The following FBLN7 variants were observed in gnomAD, a reference collection of about 807,000 sequenced individuals.
The protein encoded by FBLN7 is fibulin 7.
FBLN7 carries 31 observed loss-of-function variants against 44.0 expected under a neutral mutation model. That is an observed-to-expected ratio of 0.70 (90% confidence interval 0.53 to 0.95). The LOEUF (loss-of-function observed/expected upper bound fraction) is 0.95. Among genes scored for constraint, FBLN7 ranks in the 40% least tolerant of loss-of-function variants. The probability of loss-of-function intolerance (pLI) is 0.00; values close to 1 mark genes in which losing one functional copy is unlikely to be tolerated. For synonymous variants in FBLN7, 262 were observed against 253.4 expected (o/e 1.03, Z -0.32); for missense variants, 573 against 618.5 (o/e 0.93, Z 0.78).
chr2:112,189,776 T>C (rs1683423718), downstream of FBLN7: 1 of 152,222 alleles, frequency 6.6e-6, no homozygotes, highest in Non-Finnish European at 1.5e-5. Flanking sequence ...CACCTCATGA[T>C]GATTCCCAAT....
At chr2:112,230,874 AAAAG>A in the FBLN7 span, 1 of 1,284,394 alleles carries the variant, frequency 7.8e-7, no homozygotes, top group South Asian at 1.5e-5. Context: ...AGACAAGAAA[AAAAG>A]AAATGTGGTA....
At chr2:112,227,879 C>T in the FBLN7 span, among the ~76,000 whole-genome samples, 576 of 122,204 alleles carry the variant, frequency 4.7e-3, 7 homozygotes, top group African/African-American at 0.014. Context: ...CAATTTTCCA[C>T]AGATGCAATG....
At chr2:112,160,778 ACACGCACGCACACG>A (rs1354294958) in intron 2 of FBLN7, among the ~76,000 whole-genome samples, 55 of 143,346 alleles carry the variant, frequency 3.8e-4, no homozygotes, top group African/African-American at 1.4e-3. Context: ...ACGCAGACGC[ACACGCACGCACACG>A]CACACACGCA....
chr2:112,140,593 C>T (rs975197502), intron 1 of FBLN7, among the ~76,000 whole-genome samples: 1 of 152,194 alleles, frequency 6.6e-6, no homozygotes, highest in African/African-American at 2.4e-5. Context: ...ACGTGAGCAC[C>T]GCCGGGAGGA....
chr2:112,162,086 T>C (rs1327948838), intron 2 of FBLN7, among the ~76,000 whole-genome samples: 3 of 152,126 alleles, frequency 2.0e-5, no homozygotes, highest in Non-Finnish European at 4.4e-5. Flanking sequence ...AGTGGAGTGA[T>C]CCTAGTTCAC....
the FBLN7 span, among the ~76,000 whole-genome samples, chr2:112,194,989 G>A: frequency 2.0e-5 from 3 of 152,198 alleles, no homozygotes; most frequent in Admixed American, 2.0e-4. Flanking sequence ...GGGGGAAAGG[G>A]ATCACTGGAA....
chr2:112,216,128 C>T, the FBLN7 span: 1 of 152,204 alleles, frequency 6.6e-6, no homozygotes, highest in Admixed American at 6.5e-5. Flanking sequence ...TCTTTACTCA[C>T]CCTCACTCAG....
chr2:112,204,538 A>G, the FBLN7 span, among the ~76,000 whole-genome samples: 1 of 152,156 alleles, frequency 6.6e-6, no homozygotes, highest in Admixed American at 6.5e-5. Flanking sequence ...TGAAAGTCAA[A>G]AAGAATTTTT....
chr2:112,185,424 G>A (rs1683223437), intron 7 of FBLN7, 85 bp downstream of exon 7: 2 of 1,526,000 alleles, frequency 1.3e-6, no homozygotes, highest in Non-Finnish European at 1.8e-6. Flanking sequence ...CTTGGGAGAA[G>A]GTACAGTTAT....
the FBLN7 span, among the ~76,000 whole-genome samples, chr2:112,241,066 A>G: frequency 6.6e-6 from 1 of 151,668 alleles, no homozygotes; most frequent in Non-Finnish European, 1.5e-5. Context: ...AGGAATTAAG[A>G]GTCAAATTTC....
chr2:112,236,780 C>T, the FBLN7 span: 13 of 1,223,412 alleles, frequency 1.1e-5, no homozygotes, highest in South Asian at 1.4e-4. Context: ...GGTGCAGTGG[C>T]TCATGTCTGT....
the FBLN7 span, among the ~76,000 whole-genome samples, chr2:112,234,967 C>G: frequency 6.6e-6 from 1 of 151,988 alleles, no homozygotes; most frequent in Non-Finnish European, 1.5e-5. Context: ...GTGAGTTGAG[C>G]ACACTTATCA....
At chr2:112,189,087 TATG>T (rs1288039401), downstream of FBLN7, 3 of 152,158 alleles carry the variant, frequency 2.0e-5, no homozygotes, top group African/African-American at 7.2e-5. Flanking sequence ...ATATGTGAGA[TATG>T]ATGACATATG....
chr2:112,168,053 C>A (rs997951815), intron 3 of FBLN7, among the ~76,000 whole-genome samples: 3 of 152,178 alleles, frequency 2.0e-5, no homozygotes, highest in African/African-American at 7.2e-5. Flanking sequence ...GACCATGGTG[C>A]AGAGCAGACG....
chr2:112,243,553 C>T, the FBLN7 span, among the ~76,000 whole-genome samples: 4 of 151,990 alleles, frequency 2.6e-5, no homozygotes, highest in African/African-American at 9.7e-5. Flanking sequence ...AACTTTGAAC[C>T]CCAATTAAGC....
At chr2:112,238,670 C>A in the FBLN7 span, 1 of 527,970 alleles carries the variant, frequency 1.9e-6, no homozygotes, top group Non-Finnish European at 3.1e-6. Context: ...ACTATTCTCT[C>A]CACTCATATA....
the FBLN7 span, among the ~76,000 whole-genome samples, chr2:112,232,603 A>G: frequency 6.6e-6 from 1 of 152,204 alleles, no homozygotes; most frequent in South Asian, 2.1e-4. Context: ...CAAAGTCAAC[A>G]ACGACATATC....
the FBLN7 span, among the ~76,000 whole-genome samples, chr2:112,221,729 T>A: frequency 6.6e-6 from 1 of 152,110 alleles, no homozygotes; most frequent in Non-Finnish European, 1.5e-5. Flanking sequence ...TCTGGTTCTT[T>A]CTTATAATGG....
the FBLN7 span, among the ~76,000 whole-genome samples, chr2:112,235,936 TAA>T: frequency 2.4e-5 from 3 of 122,598 alleles, no homozygotes; most frequent in Admixed American, 8.6e-5. Flanking sequence ...AGTATAACAC[TAA>T]AAAAAAAAAA....
Sources: gnomAD v4.1 joint callset for allele counts (sites outside exome capture counted in the v4.1 genomes callset) on GRCh38, gnomAD v4.1.1 for gene constraint, MANE v1.5 for transcripts, NCBI Gene and HGNC (gene_info 2026-07-23, HGNC 2026-07-21) for gene names.